SORCS3: variants seen among roughly 807,000 people sequenced by gnomAD.
SORCS3 encodes sortilin related VPS10 domain containing receptor 3.
SORCS3 carries 57 observed loss-of-function variants against 146.3 expected under a neutral mutation model. That is an observed-to-expected ratio of 0.39 (90% CI 0.31 to 0.49). The LOEUF (loss-of-function observed/expected upper bound fraction) is 0.49, where lower values mean the gene tolerates loss of function less well. Among genes scored for constraint, SORCS3 ranks in the 20% least tolerant of loss-of-function variants. The probability of loss-of-function intolerance (pLI) is 0.92; values close to 1 mark genes in which losing one functional copy is unlikely to be tolerated. For missense variants in SORCS3, 1,341 were observed against 1,575.5 expected (o/e 0.85, Z 2.52); for synonymous variants, 653 against 618.5 (o/e 1.06, Z -0.83).
At chr10:104,855,888 A>G (rs888934656) in intron 2 of SORCS3, among the ~76,000 whole-genome samples, 5 of 152,042 alleles carry the variant, frequency 3.3e-5, no homozygotes, top group Admixed American at 2.6e-4. Context: ...GGCATGTGCC[A>G]CCATACCTGG....
chr10:105,069,622 A>G (rs1222257104), intron 5 of SORCS3, among the ~76,000 whole-genome samples: 1 of 152,170 alleles, frequency 6.6e-6, no homozygotes, highest in Non-Finnish European at 1.5e-5. Context: ...GCTGGAGTCA[A>G]CTTCACTTTG....
intron 20 of SORCS3, among the ~76,000 whole-genome samples, chr10:105,229,839 G>A (rs1314760422): frequency 6.6e-6 from 1 of 152,172 alleles, no homozygotes; most frequent in East Asian, 1.9e-4. Context: ...TGGGCCTTCA[G>A]GTGTCTTGCT....
At chr10:105,133,589 A>G (rs1483775373) in intron 7 of SORCS3, among the ~76,000 whole-genome samples, 2 of 152,190 alleles carry the variant, frequency 1.3e-5, no homozygotes, top group Admixed American at 6.5e-5. Context: ...CATGATAGTT[A>G]TTATTACTCT....
At chr10:104,881,168 C>A (rs1015370733) in intron 2 of SORCS3, among the ~76,000 whole-genome samples, 4 of 152,190 alleles carry the variant, frequency 2.6e-5, no homozygotes, top group Non-Finnish European at 5.9e-5. Context: ...TTCCACTGAT[C>A]ATTACAAACA....
At chr10:104,727,380 A>G (rs991510796) in intron 1 of SORCS3, among the ~76,000 whole-genome samples, 1 of 152,194 alleles carries the variant, frequency 6.6e-6, no homozygotes, top group Admixed American at 6.5e-5. Context: ...CCAGAAATAC[A>G]TAACTACTAT....
chr10:105,216,848 A>G lies in SORCS3; in HGVS notation c.2548-88A>G. On this transcript the variant is annotated intron_variant, in intron 18 of 26. Transcript: ENST00000369701. ...TTTGGGAAAGACTATGGGTCATCAGAGGTTGATGCTGAAGCAACAGGAGGA... is the reference window on the plus strand; with the variant it reads ...TTTGGGAAAGACTATGGGTCATCAGGGGTTGATGCTGAAGCAACAGGAGGA... 3 of 1,287,280 alleles carry G rather than the reference A, an allele frequency of 2.3e-6. No individual in the cohort carries two copies. In the South Asian group the frequency reaches 3.8e-5, roughly 16 times the overall value. 79.7% of individuals were successfully genotyped at this position (1,287,280 alleles called of 1,614,324 possible). A position where few individuals can be genotyped will look rare whatever the true frequency, so the allele number is the denominator to read the frequency against.
chr10:104,648,556 C>G (rs918163546), intron 1 of SORCS3, among the ~76,000 whole-genome samples: 1 of 152,164 alleles, frequency 6.6e-6, no homozygotes. Flanking sequence ...TGCCCACCCA[C>G]CGCGGTGGCT....
chr10:105,180,181 A>G (rs1328677368), intron 14 of SORCS3, among the ~76,000 whole-genome samples: 1 of 152,220 alleles, frequency 6.6e-6, no homozygotes, highest in Non-Finnish European at 1.5e-5. Context: ...GGGATAAAGT[A>G]ATCATCATGG....
intron 1 of SORCS3, among the ~76,000 whole-genome samples, chr10:104,779,820 C>T (rs929970488): frequency 3.3e-5 from 5 of 152,302 alleles, no homozygotes; most frequent in East Asian, 1.9e-4. Context: ...CCACTAACCA[C>T]GCAAGTCTCT....
At chr10:105,151,385 C>CA (rs1234593141) in intron 9 of SORCS3, among the ~76,000 whole-genome samples, 1 of 151,892 alleles carries the variant, frequency 6.6e-6, no homozygotes, top group African/African-American at 2.4e-5. Flanking sequence ...CTTTTTTCCC[C>CA]TCATATTTAC....
intron 3 of SORCS3, among the ~76,000 whole-genome samples, chr10:104,945,672 G>A (rs538095905): frequency 3.3e-5 from 5 of 150,732 alleles, no homozygotes; most frequent in Admixed American, 3.3e-4. Flanking sequence ...TATGCATGTT[G>A]ACTTTAATGC....
intron 5 of SORCS3, among the ~76,000 whole-genome samples, chr10:105,084,826 G>A (rs1347372920): frequency 6.6e-6 from 1 of 151,840 alleles, no homozygotes; most frequent in East Asian, 1.9e-4. Context: ...CACCTCCCGG[G>A]TTCACGCCAT....
In SORCS3 at chr10:105,252,824, T is replaced by C. The variant is rs996022745; in HGVS notation, c.3155T>C (p.Leu1052Pro). 14 of 1,613,902 alleles carry C rather than the reference T, an allele frequency of 8.7e-6. No individual in the cohort carries two copies. Among genetic ancestry groups the C allele is most frequent in the African/African-American group, 2.7e-5 (2 of 74,892 alleles). The change falls in exon 23 of 27, where the codon CTC becomes CCC. Residue 1052 changes from leucine (L) to proline (P), a missense_variant. Physicochemically the swap from Leu to Pro is moderately conservative, Grantham distance 98. Coordinates refer to ENST00000369701, the MANE Select transcript of SORCS3 (RefSeq NM_014978.3). ...ATCCTCATTGCCGTGTTTCCTGGTC[T>C]CCCCACTTCAGCAGAGCTTTTCATT... ...DQILIAVFPG[L>P]PTSAELFILP...
chr10:104,715,675 G>C (rs1176591951), intron 1 of SORCS3, among the ~76,000 whole-genome samples: 2 of 152,082 alleles, frequency 1.3e-5, no homozygotes, highest in African/African-American at 4.8e-5. Context: ...TACTATTTCT[G>C]TTTCTAGGTG....
intron 1 of SORCS3, among the ~76,000 whole-genome samples, chr10:104,734,417 C>T (rs2016745020): frequency 6.6e-6 from 1 of 152,222 alleles, no homozygotes; most frequent in African/African-American, 2.4e-5. Context: ...AGGCAAACTG[C>T]TGCTTTTGTA....
At chr10:105,050,657 G>A (rs2055404249) in intron 5 of SORCS3, among the ~76,000 whole-genome samples, 1 of 152,102 alleles carries the variant, frequency 6.6e-6, no homozygotes, top group African/African-American at 2.4e-5. Flanking sequence ...GTTGTGCCTG[G>A]ATTCCTGACC....
chr10:104,841,057 T>A (rs572996494), intron 1 of SORCS3, among the ~76,000 whole-genome samples: 1 of 152,268 alleles, frequency 6.6e-6, no homozygotes, highest in Non-Finnish European at 1.5e-5. Context: ...GGTGTGTGTG[T>A]GTGTATGTGT....
intron 4 of SORCS3, among the ~76,000 whole-genome samples, chr10:105,016,155 A>ATATATATATATATATATATCTATATATAT (rs71482443): frequency 9.9e-6 from 1 of 101,344 alleles, no homozygotes; most frequent in African/African-American, 4.8e-5. Flanking sequence ...ATATATATAT[A>ATATATATATATATATATATCTATATATAT]TTTTTTTTTT....
chr10:105,217,859 A>C, intron 19 of SORCS3: 1 of 454,086 alleles, frequency 2.2e-6, no homozygotes, highest in Non-Finnish European at 4.4e-6. Flanking sequence ...CGGGTCGAGG[A>C]AATGTTGTCT....
Sources: allele counts gnomAD v4.1 joint callset (sites outside exome capture counted in the v4.1 genomes callset), GRCh38; gene constraint gnomAD v4.1.1; transcripts MANE v1.5; gene names NCBI Gene and HGNC (gene_info 2026-07-23, HGNC 2026-07-21).